The following ADAMTS9 variants were observed in gnomAD, a reference collection of about 807,000 sequenced individuals.
ADAMTS9 encodes ADAM metallopeptidase with thrombospondin type 1 motif 9, also known as A disintegrin and metalloproteinase with thrombospondin motifs 9.
In ADAMTS9, 107 loss-of-function variants were observed where a neutral mutation model predicts 257.1. That is an observed-to-expected ratio of 0.42 (90% CI 0.36 to 0.49). The LOEUF (loss-of-function observed/expected upper bound fraction) is 0.49, where lower values mean the gene tolerates loss of function less well. Ranked by LOEUF, ADAMTS9 falls within the 20% of genes least tolerant of loss-of-function variation. The probability of loss-of-function intolerance (pLI) is 0.03; values close to 1 mark genes in which losing one functional copy is unlikely to be tolerated. For synonymous variants in ADAMTS9, 982 were observed against 880.9 expected, an observed-to-expected ratio of 1.11 and a Z score of -2.03; for missense variants, 2,353 against 2,469.1, an observed-to-expected ratio of 0.95 and a Z score of 1.00.
intron 39 of ADAMTS9, among the ~76,000 whole-genome samples, chr3:64,517,349 C>T (rs2082787242): frequency 6.7e-6 from 1 of 150,170 alleles, no homozygotes; most frequent in Admixed American, 6.8e-5. Flanking sequence ...AAGCAATCCT[C>T]CCATCTCAGC....
intron 22 of ADAMTS9, among the ~76,000 whole-genome samples, chr3:64,607,447 A>G (rs1246060250): frequency 1.3e-5 from 2 of 152,198 alleles, no homozygotes; most frequent in Non-Finnish European, 2.9e-5. Flanking sequence ...TTTGACTTCT[A>G]GGAAATTATC....
chr3:64,555,880 TG>T (rs1211081776), intron 30 of ADAMTS9, among the ~76,000 whole-genome samples: 1 of 152,160 alleles, frequency 6.6e-6, no homozygotes, highest in Non-Finnish European at 1.5e-5. Context: ...ATTTGTGGTT[TG>T]GGATTTTTAG....
At chr3:64,551,182 G>T in intron 30 of ADAMTS9, 120 bp from the exon 31 acceptor site, 1 of 1,160,662 alleles carries the variant, frequency 8.6e-7, no homozygotes, top group Non-Finnish European at 1.2e-6. Context: ...GGCAGGGATT[G>T]CCAGAGAACT....
chr3:64,674,016 A>G (rs1476635216), intron 3 of ADAMTS9, among the ~76,000 whole-genome samples: 1 of 152,072 alleles, frequency 6.6e-6, no homozygotes, highest in African/African-American at 2.4e-5. Flanking sequence ...GAAAGAAGGT[A>G]CAATTCCTGT....
chr3:64,613,583 G>A, intron 21 of ADAMTS9, 74 bp from the exon 22 acceptor site: 1 of 1,456,022 alleles, frequency 6.9e-7, no homozygotes, highest in Non-Finnish European at 9.3e-7. Context: ...ATTTATTGAT[G>A]AGTAGGAACA....
chr3:64,608,258 C>CAAAA (rs57247914), intron 22 of ADAMTS9, among the ~76,000 whole-genome samples: 2 of 53,314 alleles, frequency 3.8e-5, no homozygotes, highest in African/African-American at 6.7e-5. Flanking sequence ...AAACTAAAAC[C>CAAAA]AAAAAAAAAA....
intron 29 of ADAMTS9, among the ~76,000 whole-genome samples, chr3:64,562,224 A>C (rs1227303306): frequency 6.6e-6 from 1 of 152,200 alleles, no homozygotes; most frequent in African/African-American, 2.4e-5. Flanking sequence ...AGGACTTTAT[A>C]AGTAGAATTA....
intron 3 of ADAMTS9, among the ~76,000 whole-genome samples, chr3:64,675,091 G>A (rs370654166): frequency 1.3e-5 from 2 of 152,010 alleles, no homozygotes; most frequent in Non-Finnish European, 2.9e-5. Context: ...AATCAATACC[G>A]AGGCCAAAAA....
At chr3:64,659,865 G>A (rs1701183370) in intron 3 of ADAMTS9, among the ~76,000 whole-genome samples, 1 of 151,986 alleles carries the variant, frequency 6.6e-6, no homozygotes, top group African/African-American at 2.4e-5. Flanking sequence ...CAGCAAAATT[G>A]ACAATTAGAA....
intron 8 of ADAMTS9, 50 bp downstream of exon 8, chr3:64,654,303 A>C: frequency 6.5e-7 from 1 of 1,544,696 alleles, no homozygotes. Flanking sequence ...CGAAGGAATA[A>C]AAGGTTTAGG....
chr3:64,630,641 A>T (rs1700345956), intron 16 of ADAMTS9, among the ~76,000 whole-genome samples: 1 of 152,168 alleles, frequency 6.6e-6, no homozygotes, highest in South Asian at 2.1e-4. Context: ...TGGGCAAGGG[A>T]GAGCATCAGG....
intron 19 of ADAMTS9, among the ~76,000 whole-genome samples, chr3:64,620,735 G>A (rs1379483165): frequency 6.6e-6 from 1 of 152,148 alleles, no homozygotes; most frequent in Non-Finnish European, 1.5e-5. Context: ...ACTCTCGGTA[G>A]ATATAGGTCA....
intron 26 of ADAMTS9, among the ~76,000 whole-genome samples, chr3:64,599,163 G>A (rs1165532791): frequency 6.6e-6 from 1 of 152,032 alleles, no homozygotes; most frequent in African/African-American, 2.4e-5. Flanking sequence ...TGAATCCTGA[G>A]CCTGCTTGGG....
chr3:64,647,869 G>A (rs1700835659), intron 11 of ADAMTS9, 71 bp downstream of exon 11: 2 of 1,354,492 alleles, frequency 1.5e-6, no homozygotes, highest in Admixed American at 4.1e-5. Context: ...AAACATCGGT[G>A]TCTGATCATA....
At chr3:64,633,930 C>A (rs775464441) in intron 12 of ADAMTS9, 51 bp from the exon 13 acceptor site, 1 of 1,478,226 alleles carries the variant, frequency 6.8e-7, no homozygotes, top group Admixed American at 1.8e-5. Context: ...TCATGTATTC[C>A]TCTGAACATC....
chr3:64,679,308 C>G (rs1701697607), intron 3 of ADAMTS9, among the ~76,000 whole-genome samples: 1 of 152,096 alleles, frequency 6.6e-6, no homozygotes. Flanking sequence ...CACACAGACT[C>G]CTGCACAGAG....
chr3:64,633,592 C>A lies in ADAMTS9; in HGVS notation c.2055G>T (p.Arg685=). 1 of 1,614,116 alleles carries A rather than the reference C, an allele frequency of 6.2e-7. No individual in the cohort carries two copies. The highest frequency in any genetic ancestry group is 8.5e-7 in the Non-Finnish European group (1 of 1,180,018). Residue 685 remains arginine (R), a synonymous_variant, in exon 14 of 40, where the codon CGG becomes CGT. Coordinates refer to ENST00000498707, the MANE Select transcript of ADAMTS9 (RefSeq NM_182920.2). ...PKYSGILMKD[R]CKLFCRVAGN... ...CTGCCACTCTGCAGAACAACTTGCA[C>A]CGGTCCTTCATCAGAACTAGAGAGG...
At position 64,649,694 on chromosome 3, in the gene ADAMTS9, G is replaced by T. The variant is rs373639190; in HGVS notation, c.1548C>A (p.Asn516Lys). The stretch of plus-strand genomic sequence containing the variant: ...AAATCAATTCACATTGTTTATTCAC[G>T]TTGTAAAGGATGCCTGGCAGTTGGA... ...LPVQLPGILYNVNKQCELIFG... is the reference protein window; with the variant it reads ...LPVQLPGILYKVNKQCELIFG... Residue 516 changes from asparagine to lysine, a missense_variant, in exon 10 of 40, where the codon AAC becomes AAA. Transcript: ENST00000498707. 7 of 1,614,014 alleles carry T rather than the reference G, an allele frequency of 4.3e-6. No homozygotes were observed. In the East Asian group the frequency reaches 1.1e-4, roughly 26 times the overall value.
intron 31 of ADAMTS9, among the ~76,000 whole-genome samples, chr3:64,549,611 G>A (rs2083244926): frequency 6.6e-6 from 1 of 152,132 alleles, no homozygotes; most frequent in South Asian, 2.1e-4. Context: ...AAGATGCAGG[G>A]TTGGGGTCGA....
Sources: gnomAD v4.1 joint callset for allele counts (sites outside exome capture counted in the v4.1 genomes callset) on GRCh38, gnomAD v4.1.1 for gene constraint, MANE v1.5 for transcripts, NCBI Gene and HGNC (gene_info 2026-07-23, HGNC 2026-07-21) for gene names.